SLIT3: variants seen among roughly 807,000 people sequenced by gnomAD.
The protein encoded by SLIT3 is slit guidance ligand 3.
In SLIT3, 68 loss-of-function variants were observed where a neutral mutation model predicts 184.0. The ratio of observed to expected loss-of-function variants is 0.37; its 90% CI spans 0.30 to 0.45. The LOEUF (loss-of-function observed/expected upper bound fraction) is 0.45, where lower values mean the gene tolerates loss of function less well. Ranked by LOEUF, SLIT3 falls within the 20% of genes least tolerant of loss-of-function variation. The pLI is 1.00. For synonymous variants in SLIT3, 831 were observed against 828.6 expected (o/e 1.00, Z -0.05); for missense variants, 1,707 against 2,026.0 (o/e 0.84, Z 3.02).
chr5:168,859,108 G>A (rs1421755871), intron 5 of SLIT3, among the ~76,000 whole-genome samples: 1 of 152,172 alleles, frequency 6.6e-6, no homozygotes, highest in African/African-American at 2.4e-5. Context: ...GTGATGGATA[G>A]CCACTTTGGA....
At chr5:169,243,234 T>A (rs1765462836) in intron 3 of SLIT3, among the ~76,000 whole-genome samples, 1 of 152,216 alleles carries the variant, frequency 6.6e-6, no homozygotes, top group South Asian at 2.1e-4. Flanking sequence ...TTGTTTTCAC[T>A]CTTCTAATCA....
intron 4 of SLIT3, among the ~76,000 whole-genome samples, chr5:168,907,979 T>TAG (rs70979109): frequency 5.6e-4 from 28 of 50,080 alleles, no homozygotes; most frequent in East Asian, 3.0e-3. Flanking sequence ...TATATATATA[T>TAG]AGAGAGAGAG....
chr5:168,896,472 C>T (rs1206620333), intron 4 of SLIT3, among the ~76,000 whole-genome samples: 2 of 152,094 alleles, frequency 1.3e-5, no homozygotes, highest in African/African-American at 4.8e-5. Context: ...TGCCTTCTTG[C>T]CCCACAGAAT....
At chr5:168,958,896 A>G (rs1302285904) in intron 4 of SLIT3, among the ~76,000 whole-genome samples, 1 of 152,184 alleles carries the variant, frequency 6.6e-6, no homozygotes, top group Non-Finnish European at 1.5e-5. Flanking sequence ...ATGAACCTCC[A>G]CCATGAGTGG....
rs1370549841 is a variant in SLIT3 at position 169,163,407 on chromosome 5, G to A, written c.413+30072C>T. On this transcript the variant is annotated intron_variant, in intron 4 of 35. Transcript: ENST00000519560. Reference sequence around the variant, plus strand: ...GAACGTGCAGACTCCAATGCATGAAGCCCAGGTTGAACTGGGAAATCCAAG... The same window carrying A: ...GAACGTGCAGACTCCAATGCATGAAACCCAGGTTGAACTGGGAAATCCAAG... Among the ~76,000 whole-genome samples the A allele has an allele frequency of 2.0e-5, 3 of 152,180 alleles. No homozygotes were observed. The East Asian group carries it at 5.8e-4, about 29-fold the overall frequency.
intron 29 of SLIT3, 150 bp from the exon 30 acceptor site, chr5:168,687,266 G>T (rs1343203852): frequency 2.3e-6 from 2 of 860,444 alleles, no homozygotes; most frequent in Non-Finnish European, 3.7e-6. Context: ...TCCACAGCAG[G>T]TTTCCCTGGT....
At chr5:169,179,547 C>T (rs1763088436) in intron 4 of SLIT3, among the ~76,000 whole-genome samples, 1 of 152,196 alleles carries the variant, frequency 6.6e-6, no homozygotes, top group Non-Finnish European at 1.5e-5. Context: ...CAAGCACTGG[C>T]TCACATCTGC....
chr5:169,153,265 T>C (rs1475287410), intron 4 of SLIT3, among the ~76,000 whole-genome samples: 1 of 145,814 alleles, frequency 6.9e-6, no homozygotes, highest in Non-Finnish European at 1.5e-5. Flanking sequence ...TACTTTGACT[T>C]AGCTAAATTC....
At chr5:169,234,548 C>T (rs756167417) in intron 3 of SLIT3, among the ~76,000 whole-genome samples, 4 of 152,124 alleles carry the variant, frequency 2.6e-5, no homozygotes, top group Admixed American at 6.5e-5. Context: ...GGACTACAGG[C>T]GTGTGCCATC....
intron 4 of SLIT3, among the ~76,000 whole-genome samples, chr5:168,911,181 A>T (rs1369983354): frequency 1.3e-5 from 2 of 152,164 alleles, no homozygotes; most frequent in Non-Finnish European, 2.9e-5. Context: ...ATACAAAATG[A>T]TTATTTAAAA....
chr5:168,740,295 G>A (rs1256806577), intron 20 of SLIT3, among the ~76,000 whole-genome samples: 1 of 152,222 alleles, frequency 6.6e-6, no homozygotes, highest in East Asian at 1.9e-4. Flanking sequence ...GACTGTGAGA[G>A]AAGGGCCAGT....
At chr5:169,127,646 G>A (rs1244649404) in intron 4 of SLIT3, among the ~76,000 whole-genome samples, 5 of 152,150 alleles carry the variant, frequency 3.3e-5, no homozygotes, top group South Asian at 4.1e-4. Flanking sequence ...ATGAGAGCAG[G>A]GGCTCTGGTT....
chr5:169,227,688 A>G (rs1764860017), intron 3 of SLIT3, among the ~76,000 whole-genome samples: 1 of 152,192 alleles, frequency 6.6e-6, no homozygotes, highest in Non-Finnish European at 1.5e-5. Flanking sequence ...GGCCTCCCAA[A>G]GTTCTGGGAT....
In SLIT3 at chr5:168,922,456, CA is replaced by C. The variant is rs34132541; in HGVS notation, c.414-39121del. On this transcript the variant is annotated intron_variant, in intron 4 of 35. Coordinates refer to ENST00000519560, the MANE Select transcript of SLIT3 (RefSeq NM_003062.4). Reference sequence around the variant, plus strand: ...TGGGCAACAGAGCGAGACTCTGTCTCAAAAAAAAAAAAAAAAAAAAGAAGTG... The same window carrying C: ...TGGGCAACAGAGCGAGACTCTGTCTCAAAAAAAAAAAAAAAAAAAGAAGTG... Among the ~76,000 whole-genome samples, 437 of 82,194 alleles carry C rather than the reference CA, an allele frequency of 5.3e-3. 2 individuals are homozygous for C. The highest frequency in any genetic ancestry group is 0.021 in the South Asian group (41 of 1,970). 53.9% of individuals were successfully genotyped at this position (82,194 alleles called of 152,430 possible). A position where few individuals can be genotyped will look rare whatever the true frequency, so the allele number is the denominator to read the frequency against.
intron 5 of SLIT3, among the ~76,000 whole-genome samples, chr5:168,875,993 G>T (rs1292137018): frequency 6.6e-6 from 1 of 152,128 alleles, no homozygotes; most frequent in Non-Finnish European, 1.5e-5. Flanking sequence ...TGATAAATCT[G>T]CATGGCCTTG....
chr5:169,255,122 C>T (rs1765905261), intron 1 of SLIT3, among the ~76,000 whole-genome samples: 1 of 152,182 alleles, frequency 6.6e-6, no homozygotes, highest in Admixed American at 6.5e-5. Flanking sequence ...TATGCAAGTA[C>T]AGCACATGCA....
chr5:169,214,112 AAAG>A (rs3046014), intron 3 of SLIT3, among the ~76,000 whole-genome samples: 46,301 of 151,978 alleles, frequency 0.3, 8,002 homozygotes, highest in East Asian at 0.69. Flanking sequence ...TGTTAAATGG[AAAG>A]AAGACAAACA....
intron 4 of SLIT3, among the ~76,000 whole-genome samples, chr5:169,153,519 C>T (rs1031266176): frequency 3.3e-5 from 5 of 152,242 alleles, no homozygotes; most frequent in Admixed American, 3.3e-4. Flanking sequence ...CTGTCTTACT[C>T]TCTCTACAAA....
intron 4 of SLIT3, among the ~76,000 whole-genome samples, chr5:169,181,329 A>G (rs1031329810): frequency 1.3e-5 from 2 of 152,186 alleles, no homozygotes; most frequent in Non-Finnish European, 2.9e-5. Context: ...TGTGCTTTTA[A>G]CAAAAAGGAG....
Sources: gnomAD v4.1 joint callset for allele counts (sites outside exome capture counted in the v4.1 genomes callset) on GRCh38, gnomAD v4.1.1 for gene constraint, MANE v1.5 for transcripts, NCBI Gene and HGNC (gene_info 2026-07-23, HGNC 2026-07-21) for gene names.